Variants in TNR observed in about 807,000 individuals in gnomAD.
The protein encoded by TNR is tenascin-R.
TNR carries 45 observed loss-of-function variants against 150.4 expected under a neutral mutation model. The observed-to-expected ratio is 0.30, with a 90% CI of 0.24 to 0.38. The LOEUF (loss-of-function observed/expected upper bound fraction) is 0.38. TNR is among the 10% of genes least tolerant of loss of function. The pLI is 1.00. For missense variants in TNR, 1,544 were observed against 1,759.1 expected (o/e 0.88, Z 2.19); for synonymous variants, 687 against 678.4 (o/e 1.01, Z -0.20).
Position 175,522,501 on chromosome 1 carries a change from T to A in TNR, c.-64+5768A>T, listed in dbSNP as rs190502883. 1.8e-3 allele frequency among the ~76,000 whole-genome samples: 271 copies of A among 152,296 alleles called. 2 individuals carry two copies. The highest frequency in any genetic ancestry group is 4.1e-3 in the Admixed American group (62 of 15,300). On this transcript the variant is annotated intron_variant, in intron 2 of 22. Transcript: ENST00000367674. ...GCCCCAAAATCTCACAAATCACCAC[T>A]AAAGAACTTACTCATGTAACCAAAC...
At chr1:175,730,809 G>A (rs1223482836) in intron 1 of TNR, among the ~76,000 whole-genome samples, 2 of 152,138 alleles carry the variant, frequency 1.3e-5, no homozygotes, top group African/African-American at 4.8e-5. Context: ...AGAGTACTAT[G>A]GTGGGCTTCT....
Position 175,403,402 on chromosome 1 carries a change from G to C in TNR, c.714C>G (p.Asp238Glu), listed in dbSNP as rs749258312. 15 of 1,614,218 alleles carry C rather than the reference G, an allele frequency of 9.3e-6. No homozygotes were observed. Among genetic ancestry groups the C allele is most frequent in the Non-Finnish European group, 1.2e-5 (14 of 1,180,052 alleles). Residue 238 changes from aspartate to glutamate, a missense_variant, in exon 4 of 23, where the codon GAC becomes GAG. Transcript: ENST00000367674. Reference protein sequence around the residue: ...DDCSELRCPTDCSSRGLCVDG... With the variant: ...DDCSELRCPTECSSRGLCVDG... ...CCACGCAGAGCCCCCGGGAGCTGCA[G>C]TCTGTTGGGCACCGGAGTTCGGAAC...
chr1:175,424,526 T>C (rs963269828), intron 2 of TNR, among the ~76,000 whole-genome samples: 19 of 152,128 alleles, frequency 1.2e-4, no homozygotes, highest in African/African-American at 4.3e-4. Flanking sequence ...TTTTGTTTGG[T>C]CCTGATTAGA....
chr1:175,357,694 C>A (rs946429152), intron 15 of TNR, among the ~76,000 whole-genome samples: 2 of 152,170 alleles, frequency 1.3e-5, no homozygotes, highest in African/African-American at 4.8e-5. Flanking sequence ...TCTTTCCCTC[C>A]ACACCTTGAC....
chr1:175,657,855 A>ATGTG (rs1558058610), intron 1 of TNR, among the ~76,000 whole-genome samples: 1 of 99,778 alleles, frequency 1.0e-5, no homozygotes, highest in Non-Finnish European at 2.0e-5. Flanking sequence ...TGGAACATGT[A>ATGTG]TATATATATA....
At chr1:175,563,354 T>C (rs114968766) in intron 1 of TNR, among the ~76,000 whole-genome samples, 1,605 of 152,312 alleles carry the variant, frequency 0.011, 25 homozygotes, top group African/African-American at 0.037. Context: ...CTTGCAGTAT[T>C]TTCTGGACAA....
chr1:175,605,404 A>G (rs1227096522), intron 1 of TNR, among the ~76,000 whole-genome samples: 5 of 152,236 alleles, frequency 3.3e-5, no homozygotes, highest in Non-Finnish European at 5.9e-5. Flanking sequence ...GCGCATGTAT[A>G]CACTTACTTA....
chr1:175,331,051 T>TTCTTTCTTTCTTTCCTTC lies in TNR; in HGVS notation c.3632-817_3632-816insGAAGGAAAGAAAGAAAGA, dbSNP rs1426455540. On this transcript the variant is annotated intron_variant, in intron 20 of 22. Coordinates refer to ENST00000367674, the MANE Select transcript of TNR (RefSeq NM_003285.3). ...TTTCTTTCTTTCTTTCTTTCTTTCT[T>TTCTTTCTTTCTTTCCTTC]TCTTTCTTTCTTTCTTTCTTTCTTT... Among the ~76,000 whole-genome samples, 281 of 106,738 alleles carry TTCTTTCTTTCTTTCCTTC rather than the reference T, an allele frequency of 2.6e-3. 10 individuals are homozygous for TTCTTTCTTTCTTTCCTTC. Among genetic ancestry groups the TTCTTTCTTTCTTTCCTTC allele is most frequent in the Admixed American group, 0.013 (126 of 9,616 alleles). The allele number at this position is 106,738 out of a possible 152,430, so 70.0% of individuals were successfully genotyped here. A position where few individuals can be genotyped will look rare whatever the true frequency, so the allele number is the denominator to read the frequency against.
At chr1:175,619,856 G>A (rs953816607) in intron 1 of TNR, among the ~76,000 whole-genome samples, 3 of 152,170 alleles carry the variant, frequency 2.0e-5, no homozygotes, top group African/African-American at 7.2e-5. Flanking sequence ...AAACACAGAG[G>A]TTGTGTGTTG....
chr1:175,487,978 G>A (rs1396790169), intron 2 of TNR, among the ~76,000 whole-genome samples: 1 of 152,168 alleles, frequency 6.6e-6, no homozygotes, highest in Non-Finnish European at 1.5e-5. Context: ...GTGTGCTCAG[G>A]TGGGCCTTGG....
At chr1:175,368,022 G>A (rs1323576756) in intron 9 of TNR, among the ~76,000 whole-genome samples, 3 of 152,164 alleles carry the variant, frequency 2.0e-5, no homozygotes, top group Non-Finnish European at 2.9e-5. Context: ...CCTTTGGGAG[G>A]TTTACTACAA....
intron 1 of TNR, among the ~76,000 whole-genome samples, chr1:175,609,702 G>A (rs1663532016): frequency 6.6e-6 from 1 of 152,172 alleles, no homozygotes; most frequent in South Asian, 2.1e-4. Context: ...ACAGGTAGAT[G>A]TCAGAAGGCC....
intron 1 of TNR, among the ~76,000 whole-genome samples, chr1:175,724,735 G>C (rs995512472): frequency 6.6e-6 from 1 of 152,152 alleles, no homozygotes; most frequent in Non-Finnish European, 1.5e-5. Context: ...AACTTAGAAG[G>C]TTCTATGAGA....
At chr1:175,384,126 C>T (rs1241902265) in intron 8 of TNR, among the ~76,000 whole-genome samples, 3 of 152,152 alleles carry the variant, frequency 2.0e-5, no homozygotes, top group East Asian at 1.9e-4. Flanking sequence ...TCCTTTTTGC[C>T]GCTTCAAACT....
chr1:175,434,644 C>G (rs1465175874), intron 2 of TNR, among the ~76,000 whole-genome samples: 1 of 152,204 alleles, frequency 6.6e-6, no homozygotes, highest in Non-Finnish European at 1.5e-5. Flanking sequence ...CGATATGACT[C>G]TGTTTAGGCC....
chr1:175,657,879 A>ATATATATATATATG (rs1257413429), intron 1 of TNR, among the ~76,000 whole-genome samples: 6 of 121,106 alleles, frequency 5.0e-5, no homozygotes, highest in African/African-American at 1.8e-4. Context: ...ATATATATAT[A>ATATATATATATATG]TATATGTAAC....
intron 2 of TNR, among the ~76,000 whole-genome samples, chr1:175,459,681 T>C (rs374050247): frequency 6.6e-6 from 1 of 152,262 alleles, no homozygotes; most frequent in East Asian, 1.9e-4. Flanking sequence ...GCAGCAGTGG[T>C]GGCCATGGAG....
chr1:175,643,098 A>G (rs1411316246), intron 1 of TNR, among the ~76,000 whole-genome samples: 1 of 152,164 alleles, frequency 6.6e-6, no homozygotes, highest in African/African-American at 2.4e-5. Flanking sequence ...GGAAACAATG[A>G]TGTTTCTCTC....
chr1:175,479,356 T>C (rs1044333178), intron 2 of TNR, among the ~76,000 whole-genome samples: 1 of 152,188 alleles, frequency 6.6e-6, no homozygotes, highest in Non-Finnish European at 1.5e-5. Flanking sequence ...CCCTGACAAG[T>C]TTCCCCCCAC....
Sources: gnomAD v4.1 joint callset for allele counts (sites outside exome capture counted in the v4.1 genomes callset) on GRCh38, gnomAD v4.1.1 for gene constraint, MANE v1.5 for transcripts, NCBI Gene and HGNC (gene_info 2026-07-23, HGNC 2026-07-21) for gene names.